CADM1: variants seen among roughly 807,000 people sequenced by gnomAD.
The protein encoded by CADM1 is cell adhesion molecule 1, also known as TSLC-1.
CADM1 carries 15 observed loss-of-function variants against 53.1 expected under a neutral mutation model. That is an observed-to-expected ratio of 0.28 (90% confidence interval 0.19 to 0.44). CADM1 has a LOEUF of 0.44. Ranked by LOEUF, CADM1 falls within the 20% of genes least tolerant of loss-of-function variation. CADM1 has a pLI of 1.00. For synonymous variants in CADM1, 281 were observed against 243.0 expected (o/e 1.16, Z -1.45); for missense variants, 434 against 611.3 (o/e 0.71, Z 3.06).
intron 1 of CADM1, among the ~76,000 whole-genome samples, chr11:115,422,694 G>A (rs576641434): frequency 6.6e-6 from 1 of 152,306 alleles, no homozygotes; most frequent in African/African-American, 2.4e-5. Context: ...AGCACAGATA[G>A]TTCGCTGTGC....
chr11:115,313,438 C>T (rs1241487507), intron 1 of CADM1, among the ~76,000 whole-genome samples: 3 of 152,086 alleles, frequency 2.0e-5, no homozygotes, highest in African/African-American at 7.2e-5. Context: ...CCAGTTAGTA[C>T]AATTTATAAA....
chr11:115,234,120 T>C (rs1312237906), intron 3 of CADM1, among the ~76,000 whole-genome samples: 2 of 152,216 alleles, frequency 1.3e-5, no homozygotes, highest in Non-Finnish European at 2.9e-5. Flanking sequence ...CCTGGATACC[T>C]TTCCTTTATT....
intron 5 of CADM1, among the ~76,000 whole-genome samples, chr11:115,227,339 G>A (rs912841889): frequency 6.6e-6 from 1 of 152,168 alleles, no homozygotes; most frequent in Non-Finnish European, 1.5e-5. Context: ...AGTAGGAGGT[G>A]TAGCGCTTGA....
At chr11:115,435,167 G>A (rs1359800466) in intron 1 of CADM1, among the ~76,000 whole-genome samples, 1 of 151,666 alleles carries the variant, frequency 6.6e-6, no homozygotes, top group Non-Finnish European at 1.5e-5. Flanking sequence ...GGCCCTCTTA[G>A]GATTATTGTA....
chr11:115,275,375 A>G (rs1943416434), intron 1 of CADM1, among the ~76,000 whole-genome samples: 1 of 152,122 alleles, frequency 6.6e-6, no homozygotes, highest in Non-Finnish European at 1.5e-5. Flanking sequence ...GACTCACAAC[A>G]TCCTGCCCTT....
intron 8 of CADM1, among the ~76,000 whole-genome samples, chr11:115,199,495 C>A (rs1366181750): frequency 6.6e-6 from 1 of 152,200 alleles, no homozygotes; most frequent in African/African-American, 2.4e-5. Flanking sequence ...GCTGTACTTG[C>A]TCCTGTTCAC....
intron 1 of CADM1, among the ~76,000 whole-genome samples, chr11:115,464,388 T>C (rs906906272): frequency 6.6e-6 from 1 of 152,210 alleles, no homozygotes; most frequent in Non-Finnish European, 1.5e-5. Flanking sequence ...AATAGGTTTA[T>C]GTAGTGTACT....
chr11:115,277,952 G>C (rs73574179), intron 1 of CADM1, among the ~76,000 whole-genome samples: 1,830 of 152,120 alleles, frequency 0.012, 45 homozygotes, highest in African/African-American at 0.04. Context: ...CTCATCCTCA[G>C]TTTCTTCCAT....
chr11:115,378,514 A>T (rs1199614342), intron 1 of CADM1, among the ~76,000 whole-genome samples: 1 of 152,158 alleles, frequency 6.6e-6, no homozygotes, highest in African/African-American at 2.4e-5. Flanking sequence ...CAATAAGTAC[A>T]TAAATATATA....
intron 1 of CADM1, among the ~76,000 whole-genome samples, chr11:115,340,502 G>A (rs1945398890): frequency 3.4e-5 from 5 of 146,796 alleles, no homozygotes; most frequent in Admixed American, 1.4e-4. Flanking sequence ...AAGTGTTTTG[G>A]GGTGGGGTTG....
At chr11:115,209,419 A>T (rs1940842717) in intron 8 of CADM1, among the ~76,000 whole-genome samples, 155 bp downstream of exon 8, 2 of 152,344 alleles carry the variant, frequency 1.3e-5, no homozygotes, top group South Asian at 4.1e-4. Context: ...CTTAAGATTC[A>T]ACTTAAGAAC....
chr11:115,248,215 G>A (rs1266121787), intron 1 of CADM1, among the ~76,000 whole-genome samples: 1 of 152,194 alleles, frequency 6.6e-6, no homozygotes. Context: ...TCTTGTGAAA[G>A]AAAACACTGA....
At chr11:115,310,499 G>A (rs1381663885) in intron 1 of CADM1, among the ~76,000 whole-genome samples, 1 of 152,082 alleles carries the variant, frequency 6.6e-6, no homozygotes, top group Non-Finnish European at 1.5e-5. Context: ...GTATGTATGG[G>A]GGGGTGGAGA....
At chr11:115,351,535 T>G (rs1003801148) in intron 1 of CADM1, among the ~76,000 whole-genome samples, 2 of 152,182 alleles carry the variant, frequency 1.3e-5, no homozygotes, top group Admixed American at 6.5e-5. Flanking sequence ...AAGACTGAAA[T>G]CAGCGAGCAA....
At chr11:115,194,945 A>C (rs774782747) in intron 9 of CADM1, among the ~76,000 whole-genome samples, 1 of 152,230 alleles carries the variant, frequency 6.6e-6, no homozygotes, top group Non-Finnish European at 1.5e-5. Flanking sequence ...CCGTGCGTTA[A>C]ATCACTCATG....
At chr11:115,386,502 C>T (rs958255808) in intron 1 of CADM1, among the ~76,000 whole-genome samples, 22 of 152,220 alleles carry the variant, frequency 1.4e-4, no homozygotes, top group African/African-American at 5.3e-4. Flanking sequence ...CAAGGAGCCA[C>T]ATCTGGTGAG....
At chr11:115,380,567 A>G (rs1429881955) in intron 1 of CADM1, among the ~76,000 whole-genome samples, 1 of 152,244 alleles carries the variant, frequency 6.6e-6, no homozygotes, top group Non-Finnish European at 1.5e-5. Flanking sequence ...TCTATTCTCT[A>G]CCACCAAAAT....
Position 115,258,897 on chromosome 11 carries a change from A to C in CADM1, c.125-18477T>G, listed in dbSNP as rs146207738. On this transcript the variant is annotated intron_variant, in intron 1 of 11. Transcript: ENST00000331581. ...TTTTATTTTTAGATGATTGTAGCTC[A>C]AAGCATAAAGAAAAACAAATGGTAG... Among the ~76,000 whole-genome samples the C allele has an allele frequency of 1.4e-4, 22 of 152,362 alleles. No individual in the cohort carries two copies. The East Asian group carries it at 4.2e-3, about 29-fold the overall frequency.
At position 115,257,626 on chromosome 11, in the gene CADM1, T is replaced by C. The variant is rs770913131; in HGVS notation, c.125-17206A>G. Reference sequence around the variant, plus strand: ...AGAAAATGTTTATTTTTATCACTAATTCACCAGTGAATGAAAAAAGTATGA... The same window carrying C: ...AGAAAATGTTTATTTTTATCACTAACTCACCAGTGAATGAAAAAAGTATGA... On this transcript the variant is annotated intron_variant, in intron 1 of 11. Coordinates refer to ENST00000331581, the MANE Select transcript of CADM1 (RefSeq NM_001301043.2). Among the ~76,000 whole-genome samples, 6 of 152,202 alleles carry C rather than the reference T, an allele frequency of 3.9e-5. No individual in the cohort carries two copies. The South Asian group carries it at 8.3e-4, about 21-fold the overall frequency.
Sources: gnomAD v4.1 joint callset for allele counts (sites outside exome capture counted in the v4.1 genomes callset) on GRCh38, gnomAD v4.1.1 for gene constraint, MANE v1.5 for transcripts, NCBI Gene and HGNC (gene_info 2026-07-23, HGNC 2026-07-21) for gene names.